ALK: variants seen among roughly 807,000 people sequenced by gnomAD.
The protein encoded by ALK is ALK tyrosine kinase receptor.
Under a neutral mutation model 163.1 loss-of-function variants are expected in ALK, and 74 were observed. The ratio of observed to expected loss-of-function variants is 0.45; its 90% CI spans 0.38 to 0.55. The LOEUF (loss-of-function observed/expected upper bound fraction) is 0.55, where lower values mean the gene tolerates loss of function less well. Ranked by LOEUF, ALK falls within the 20% of genes least tolerant of loss-of-function variation. The pLI, the probability that ALK is intolerant of heterozygous loss-of-function variation, is 0.00. For synonymous variants in ALK, 960 were observed against 843.2 expected (o/e 1.14, Z -2.40); for missense variants, 2,063 against 2,105.3 (o/e 0.98, Z 0.39).
At chr2:29,508,338 C>A (rs1490510041) in intron 4 of ALK, among the ~76,000 whole-genome samples, 1 of 152,120 alleles carries the variant, frequency 6.6e-6, no homozygotes, top group Non-Finnish European at 1.5e-5. Context: ...AAATGTGGCA[C>A]ATATACACCA....
chr2:29,796,998 ACC>A (rs969516975), intron 1 of ALK, among the ~76,000 whole-genome samples: 1 of 136,408 alleles, frequency 7.3e-6, no homozygotes, highest in African/African-American at 2.8e-5. Flanking sequence ...ATGCACGCAC[ACC>A]CACACACACA....
chr2:29,225,297 G>C (rs1018625913), intron 19 of ALK, among the ~76,000 whole-genome samples, 164 bp downstream of exon 19: 4 of 152,156 alleles, frequency 2.6e-5, no homozygotes, highest in African/African-American at 9.7e-5. Flanking sequence ...GGAAGGTTGG[G>C]AGCTTCCGTT....
At chr2:29,613,514 A>G (rs1005390925) in intron 3 of ALK, among the ~76,000 whole-genome samples, 8 of 152,222 alleles carry the variant, frequency 5.3e-5, no homozygotes, top group Non-Finnish European at 8.8e-5. Flanking sequence ...ATAGAAACAC[A>G]GTTCAATGGC....
At chr2:29,236,356 C>G (rs1664381401) in intron 13 of ALK, among the ~76,000 whole-genome samples, 1 of 152,198 alleles carries the variant, frequency 6.6e-6, no homozygotes, top group Admixed American at 6.5e-5. Context: ...ATGCCCTCCC[C>G]TCATGAACAG....
At chr2:29,361,483 A>T (rs1400161483) in intron 5 of ALK, among the ~76,000 whole-genome samples, 1 of 152,206 alleles carries the variant, frequency 6.6e-6, no homozygotes, top group African/African-American at 2.4e-5. Flanking sequence ...CGCGTAGGAA[A>T]TGCATTTGCT....
In ALK at chr2:29,275,403, G is replaced by C; in HGVS notation, c.1911C>G (p.Thr637=). ...GTGCTGGGGTCAGAGTGAACTCACTGGTGAGGTAGCAGTCCAGGCTGATGG... is the reference window on the plus strand; with the variant it reads ...GTGCTGGGGTCAGAGTGAACTCACTCGTGAGGTAGCAGTCCAGGCTGATGG... The part of the protein sequence containing the change: ...NISISLDCYL[T]ISGEDKILQN... Residue 637 remains threonine (T), a splice_region_variant and synonymous_variant, in exon 10 of 29, where the codon ACC becomes ACG. Coordinates refer to ENST00000389048, the MANE Select transcript of ALK (RefSeq NM_004304.5). 6.2e-7 allele frequency: 1 copy of C among 1,614,014 alleles called. No individual in the cohort carries two copies. The highest frequency in any genetic ancestry group is 1.1e-5 in the South Asian group (1 of 91,080).
At chr2:29,573,654 G>A (rs1418087776) in intron 3 of ALK, among the ~76,000 whole-genome samples, 7 of 152,278 alleles carry the variant, frequency 4.6e-5, no homozygotes, top group South Asian at 2.1e-4. Flanking sequence ...CTATGGCAGA[G>A]TTTAACAGCT....
chr2:29,434,530 C>G (rs1313078310), intron 4 of ALK, among the ~76,000 whole-genome samples: 1 of 152,204 alleles, frequency 6.6e-6, no homozygotes, highest in Admixed American at 6.5e-5. Flanking sequence ...TACTTGGAAG[C>G]AACACTAGTT....
At chr2:29,193,984 T>C (rs1668960387) in intron 28 of ALK, 62 bp from the exon 29 acceptor site, 1 of 1,476,150 alleles carries the variant, frequency 6.8e-7, no homozygotes, top group Admixed American at 1.8e-5. Flanking sequence ...ATCTAGAAGA[T>C]ACCTTAGAGA....
chr2:29,860,580 A>T (rs1372808241), intron 1 of ALK, among the ~76,000 whole-genome samples: 1 of 152,224 alleles, frequency 6.6e-6, no homozygotes. Flanking sequence ...CAGAATACAC[A>T]TTCTTCTCAA....
At position 29,920,616 on chromosome 2, in the gene ALK, G is replaced by T. The variant is rs770134645; in HGVS notation, c.44C>A (p.Ser15Tyr). 7.8e-5 allele frequency: 121 copies of T among 1,550,164 alleles called. No homozygotes were observed. Among genetic ancestry groups the T allele is most frequent in the Non-Finnish European group, 1.0e-4 (117 of 1,155,100 alleles). The change falls in exon 1 of 29, where the codon TCC becomes TAC. Residue 15 changes from serine to tyrosine, a missense_variant. Physicochemically the swap from Ser to Tyr is moderately radical, Grantham distance 144. Coordinates refer to ENST00000389048, the MANE Select transcript of ALK (RefSeq NM_004304.5). ...GLLWLLPLLL[S>Y]TAAVGSGMGT... ...CATCCCGGAGCCCACAGCTGCCGTG[G>T]AAAGCAGCAGCGGCAGGAGCCACAG... is the stretch of plus-strand genomic sequence containing the variant.
At chr2:29,675,539 T>C (rs1286541493) in intron 3 of ALK, among the ~76,000 whole-genome samples, 1 of 151,950 alleles carries the variant, frequency 6.6e-6, no homozygotes, top group Non-Finnish European at 1.5e-5. Flanking sequence ...GAACCCTCAG[T>C]ACCTTGAAGG....
At chr2:29,416,936 T>TA (rs58905654) in intron 4 of ALK, among the ~76,000 whole-genome samples, 2,621 of 142,404 alleles carry the variant, frequency 0.018, 74 homozygotes, top group African/African-American at 0.063. Context: ...ATTTGCTCAT[T>TA]AAAAAAAAAA....
intron 1 of ALK, among the ~76,000 whole-genome samples, chr2:29,830,713 TAAAAAAAAAAAAAAAA>T (rs530774574): frequency 0.052 from 1,499 of 29,036 alleles, 35 homozygotes; most frequent in Non-Finnish European, 0.067. Context: ...TAAAATAGTT[TAAAAAAAAAAAAAAAA>T]AAAAAAAAAA....
intron 4 of ALK, among the ~76,000 whole-genome samples, chr2:29,409,232 C>T (rs1225919861): frequency 6.6e-6 from 1 of 152,178 alleles, no homozygotes; most frequent in Non-Finnish European, 1.5e-5. Flanking sequence ...CACTATTAGC[C>T]TCTAGTAAGG....
chr2:29,624,727 C>T (rs555932212), intron 3 of ALK, among the ~76,000 whole-genome samples: 2 of 152,206 alleles, frequency 1.3e-5, no homozygotes, highest in African/African-American at 2.4e-5. Flanking sequence ...GCACGTACTG[C>T]GCATGCTCCC....
chr2:29,195,806 C>T (rs115436356), intron 28 of ALK, among the ~76,000 whole-genome samples: 3,566 of 152,092 alleles, frequency 0.023, 138 homozygotes, highest in African/African-American at 0.082. Flanking sequence ...CCTGGCAGAA[C>T]GAGAACCAAG....
At chr2:29,485,969 A>C (rs574980417) in intron 4 of ALK, among the ~76,000 whole-genome samples, 2 of 152,130 alleles carry the variant, frequency 1.3e-5, no homozygotes, top group African/African-American at 4.8e-5. Flanking sequence ...CATCCTTAGA[A>C]GTATTTATCA....
rs62130589 is a variant in ALK, at chr2:29,229,372, C to G, written c.2633-306G>C. 0.1 allele frequency among the ~76,000 whole-genome samples: 15,264 copies of G among 152,218 alleles called. 1,015 individuals carry two copies. Among genetic ancestry groups the G allele is most frequent in the African/African-American group, 0.19 (7,925 of 41,518 alleles). On this transcript the variant is annotated intron_variant, in intron 15 of 28. Transcript: ENST00000389048. The stretch of plus-strand genomic sequence containing the variant: ...CTGTGCTTGGTTAAGGATGGGGGGA[C>G]GTGGGCAGACAGGCAGCATGGCGAC...
Sources: gnomAD v4.1 joint callset for allele counts (sites outside exome capture counted in the v4.1 genomes callset) on GRCh38, gnomAD v4.1.1 for gene constraint, MANE v1.5 for transcripts, NCBI Gene and HGNC (gene_info 2026-07-23, HGNC 2026-07-21) for gene names.